The following ZNF589 variants were observed in gnomAD, a reference collection of about 807,000 sequenced individuals.
ZNF589 encodes the protein zinc finger protein 589.
Under a neutral mutation model 13.6 loss-of-function variants are expected in ZNF589, and 17 were observed. That is an observed-to-expected ratio of 1.25 (90% CI 0.86 to 1.88). ZNF589 has a LOEUF of 1.88. ZNF589 is among the 40% of genes most tolerant of loss of function. The pLI is 0.00. For synonymous variants in ZNF589, 148 were observed against 161.6 expected (o/e 0.92, Z 0.64); for missense variants, 407 against 434.0 (o/e 0.94, Z 0.55).
chr3:48,258,536 C>T (rs930272956), intron 2 of ZNF589, among the ~76,000 whole-genome samples: 4 of 152,188 alleles, frequency 2.6e-5, no homozygotes, highest in Admixed American at 2.6e-4. Context: ...TTGTACTGGA[C>T]AGAATGTTTG....
intron 1 of ZNF589, among the ~76,000 whole-genome samples, chr3:48,244,031 GA>G (rs968829967): frequency 4.6e-5 from 7 of 152,120 alleles, no homozygotes; most frequent in African/African-American, 1.4e-4. Flanking sequence ...CTCTCTGAAG[GA>G]TTTGCCTGTG....
chr3:48,246,925 C>T (rs756483074), intron 1 of ZNF589, among the ~76,000 whole-genome samples: 4 of 152,172 alleles, frequency 2.6e-5, no homozygotes, highest in African/African-American at 4.8e-5. Context: ...GCCTCGGCCT[C>T]CCAAAGTGCT....
Position 48,270,147 on chromosome 3 carries a change from C to A in ZNF589, c.*1361C>A, listed in dbSNP as rs1206419191. 1 of 457,046 alleles carries A rather than the reference C, an allele frequency of 2.2e-6. No individual in the cohort carries two copies. Among genetic ancestry groups the A allele is most frequent in the African/African-American group, 2.0e-5 (1 of 50,182 alleles). The allele number at this position is 457,046 out of a possible 1,614,324, so 28.3% of individuals were successfully genotyped here. Reference sequence around the variant, plus strand: ...TCCTGCTTTATTTTTTTCTACATCTCTAGCCTTTGCTGTTTCCTCTCCTAC... The same window carrying A: ...TCCTGCTTTATTTTTTTCTACATCTATAGCCTTTGCTGTTTCCTCTCCTAC... On this transcript the variant is annotated 3_prime_UTR_variant, in exon 4 of 4. Coordinates refer to ENST00000354698, the MANE Select transcript of ZNF589 (RefSeq NM_016089.3).
chr3:48,249,249 C>T (rs565649779), intron 2 of ZNF589, among the ~76,000 whole-genome samples: 2 of 152,040 alleles, frequency 1.3e-5, no homozygotes, highest in African/African-American at 2.4e-5. Flanking sequence ...ATTACAGGCA[C>T]GCACCACCAC....
At chr3:48,267,233 C>T (rs1020556865) in intron 3 of ZNF589, among the ~76,000 whole-genome samples, 6 of 152,148 alleles carry the variant, frequency 3.9e-5, no homozygotes, top group African/African-American at 1.4e-4. Flanking sequence ...TCGGCAAATA[C>T]AGTAATGTTA....
intron 2 of ZNF589, among the ~76,000 whole-genome samples, chr3:48,250,145 AATTTATT>A (rs2033821254): frequency 6.6e-6 from 1 of 151,588 alleles, no homozygotes; most frequent in Admixed American, 6.6e-5. Context: ...AAAAAAATAC[AATTTATT>A]ATTGTTAACT....
At chr3:48,244,278 T>G (rs2033735897) in intron 1 of ZNF589, among the ~76,000 whole-genome samples, 1 of 152,198 alleles carries the variant, frequency 6.6e-6, no homozygotes, top group South Asian at 2.1e-4. Flanking sequence ...ATGTAGCCAC[T>G]GGGAGTGGCC....
At chr3:48,243,648 C>G (rs2106829295) in intron 1 of ZNF589, among the ~76,000 whole-genome samples, 1 of 152,112 alleles carries the variant, frequency 6.6e-6, no homozygotes, top group Non-Finnish European at 1.5e-5. Flanking sequence ...TCTATCTCTA[C>G]TAAAAATACA....
In ZNF589 at chr3:48,241,116, C is replaced by G; in HGVS notation, c.-56C>G. The G allele has an allele frequency of 2.5e-6, 4 of 1,610,108 alleles. No homozygotes were observed. In the South Asian group the frequency reaches 3.3e-5, roughly 13 times the overall value. On this transcript the variant is annotated 5_prime_UTR_variant, in exon 1 of 4. In the 5' UTR this introduces an upstream ATG that the reference lacks. Transcript: ENST00000354698. ...AGTGGCCCGCGGTGCGCATTCTAAT[C>G]CGTTTCACACACGGTGCTGCTACCT...
intron 2 of ZNF589, among the ~76,000 whole-genome samples, chr3:48,248,525 T>C (rs2033797028): frequency 6.6e-6 from 1 of 152,224 alleles, no homozygotes; most frequent in South Asian, 2.1e-4. Flanking sequence ...CCCCTTGTTC[T>C]GATGTTGCAT....
At chr3:48,255,749 A>C (rs1284951906) in intron 2 of ZNF589, among the ~76,000 whole-genome samples, 3 of 151,430 alleles carry the variant, frequency 2.0e-5, no homozygotes, top group Non-Finnish European at 4.4e-5. Flanking sequence ...TTAGCCCCCC[A>C]AAGTGCTGTG....
At chr3:48,256,641 GCATGCCTC>G in intron 2 of ZNF589, 1 of 1,007,254 alleles carries the variant, frequency 9.9e-7, no homozygotes, top group South Asian at 1.3e-5. Flanking sequence ...TTTCGGGGCA[GCATGCCTC>G]CATGGGGCTG....
chr3:48,249,312 A>C (rs1346459139), intron 2 of ZNF589, among the ~76,000 whole-genome samples: 1 of 152,172 alleles, frequency 6.6e-6, no homozygotes, highest in East Asian at 1.9e-4. Context: ...CATGTTAGCC[A>C]GGCTGGTCTC....
Position 48,268,898 on chromosome 3 carries a change from C to G in ZNF589, c.*112C>G, listed in dbSNP as rs2034056320. ...GCGAGGCTTTCGTGCTAAATCAACT[C>G]TCCTCCTACACCAGTGGACACATTC... On this transcript the variant is annotated 3_prime_UTR_variant, in exon 4 of 4. Coordinates refer to ENST00000354698, the MANE Select transcript of ZNF589 (RefSeq NM_016089.3). 1.4e-6 allele frequency: 2 copies of G among 1,414,846 alleles called. No homozygotes were observed. The highest frequency in any genetic ancestry group is 1.9e-6 in the Non-Finnish European group (2 of 1,036,340). The allele number at this position is 1,414,846 out of a possible 1,614,324, so 87.6% of individuals were successfully genotyped here.
At chr3:48,257,907 C>T (rs1160192813) in intron 2 of ZNF589, 1 of 440,802 alleles carries the variant, frequency 2.3e-6, no homozygotes, top group Non-Finnish European at 4.5e-6. Flanking sequence ...TTCTATTGAT[C>T]TGTGTGTCTA....
chr3:48,249,469 C>A (rs749066016), intron 2 of ZNF589, among the ~76,000 whole-genome samples: 11 of 152,166 alleles, frequency 7.2e-5, no homozygotes, highest in Non-Finnish European at 1.0e-4. Flanking sequence ...CTGAATACTT[C>A]AGCATGCATA....
chr3:48,252,515 T>C (rs907792914), intron 2 of ZNF589, among the ~76,000 whole-genome samples: 8 of 151,964 alleles, frequency 5.3e-5, no homozygotes, highest in Non-Finnish European at 7.4e-5. Context: ...TATATAAATA[T>C]TGAAATCTAT....
At position 48,267,914 on chromosome 3, in the gene ZNF589, G is replaced by A. The variant is rs1410577751; in HGVS notation, c.224-1G>A. ...TCTGACTGGAAACTTTCTTTCTTCA[G>A]CAGAATCAAAGCCAGAAGTCCATAC... On this transcript the variant is annotated splice_acceptor_variant, in intron 3 of 3. Transcript: ENST00000354698. LOFTEE classifies it high-confidence loss of function. The A allele has an allele frequency of 2.1e-5, 34 of 1,601,674 alleles. No homozygotes were observed. Among genetic ancestry groups the A allele is most frequent in the Non-Finnish European group, 2.9e-5 (34 of 1,176,532 alleles).
Position 48,268,828 on chromosome 3 carries a change from G to A in ZNF589, c.*42G>A. ...GGAGATCATGTCTCAACACACACCA[G>A]AGGATACATTCAGATGAGAAGCCTT... On this transcript the variant is annotated 3_prime_UTR_variant, in exon 4 of 4. Coordinates refer to ENST00000354698, the MANE Select transcript of ZNF589 (RefSeq NM_016089.3). 6.3e-7 allele frequency: 1 copy of A among 1,576,352 alleles called. No individual in the cohort carries two copies. Among genetic ancestry groups the A allele is most frequent in the South Asian group, 1.2e-5 (1 of 83,712 alleles).
Sources: gnomAD v4.1 joint callset for allele counts (sites outside exome capture counted in the v4.1 genomes callset) on GRCh38, gnomAD v4.1.1 for gene constraint, MANE v1.5 for transcripts, NCBI Gene and HGNC (gene_info 2026-07-23, HGNC 2026-07-21) for gene names.